Variants in PARP16 observed in about 807,000 individuals in gnomAD.
The protein encoded by PARP16 is protein mono-ADP-ribosyltransferase PARP16.
Under a neutral mutation model 35.0 loss-of-function variants are expected in PARP16, and 31 were observed. The ratio of observed to expected loss-of-function variants is 0.88; its 90% CI spans 0.66 to 1.19. PARP16 has a LOEUF of 1.19. Among genes scored for constraint, PARP16 ranks in the 50% most tolerant of loss-of-function variants. The pLI, the probability that PARP16 is intolerant of heterozygous loss-of-function variation, is 0.00. For missense variants in PARP16, 424 were observed against 411.2 expected (o/e 1.03, Z -0.27); for synonymous variants, 162 against 169.5 (o/e 0.96, Z 0.34).
At chr15:65,276,851 G>A (rs1372138556) in intron 1 of PARP16, among the ~76,000 whole-genome samples, 2 of 151,696 alleles carry the variant, frequency 1.3e-5, no homozygotes, top group East Asian at 1.9e-4. Flanking sequence ...GCATGGTGGC[G>A]GACACCTTTA....
chr15:65,259,428 A>C lies in PARP16; in HGVS notation c.948T>G (p.Phe316Leu), dbSNP rs1309161677. 1 of 1,614,176 alleles carries C rather than the reference A, an allele frequency of 6.2e-7. No individual in the cohort carries two copies. Among genetic ancestry groups the C allele is most frequent in the East Asian group, 2.2e-5 (1 of 44,880 alleles). The change falls in exon 6 of 6, where the codon TTT becomes TTG. Residue 316 changes from phenylalanine (F) to leucine (L), a missense_variant. By Grantham distance (22) the Phe-to-Leu change is conservative (BLOSUM62 0). Transcript: ENST00000649807. ...SVINSSAFQHFWNRAKR is the reference protein window; with the variant it reads ...SVINSSAFQHLWNRAKR The stretch of plus-strand genomic sequence containing the variant: ...AAGATTATCTTTTCGCACGATTCCA[A>C]AAGTGTTGGAAAGCAGAGGAGTTGA...
intron 1 of PARP16, among the ~76,000 whole-genome samples, chr15:65,279,425 C>T (rs1406052613): frequency 6.6e-6 from 1 of 152,066 alleles, no homozygotes; most frequent in Non-Finnish European, 1.5e-5. Context: ...GATGGCTGGT[C>T]CTGGAGGGAT....
downstream of PARP16, among the ~76,000 whole-genome samples, chr15:65,257,545 G>A (rs1475286892): frequency 2.0e-5 from 3 of 150,278 alleles, no homozygotes; most frequent in Non-Finnish European, 2.9e-5. Context: ...CAGGAAAACT[G>A]CTTGAACCCG....
chr15:65,266,907 A>G, intron 2 of PARP16, 139 bp from the exon 3 acceptor site: 4 of 657,396 alleles, frequency 6.1e-6, no homozygotes, highest in Non-Finnish European at 1.1e-5. Context: ...TAGAGACATA[A>G]GCAAACTCAG....
intron 3 of PARP16, among the ~76,000 whole-genome samples, chr15:65,238,106 T>C (rs2088939155): frequency 6.6e-6 from 1 of 152,048 alleles, no homozygotes; most frequent in Admixed American, 6.6e-5. Flanking sequence ...GCCAACATGG[T>C]GAAACCCTGC....
intron 2 of PARP16, among the ~76,000 whole-genome samples, chr15:65,268,948 C>T (rs1473799994): frequency 6.6e-6 from 1 of 151,424 alleles, no homozygotes; most frequent in Non-Finnish European, 1.5e-5. Flanking sequence ...AGAGACGAAG[C>T]TTCATCATTT....
chr15:65,249,862 G>C (rs2089307167), intron 2 of PARP16, among the ~76,000 whole-genome samples: 1 of 152,222 alleles, frequency 6.6e-6, no homozygotes, highest in Non-Finnish European at 1.5e-5. Flanking sequence ...GGGCTGGGAA[G>C]GTTACAGGAG....
chr15:65,246,101 C>A (rs745374501), intron 3 of PARP16, among the ~76,000 whole-genome samples: 1 of 152,170 alleles, frequency 6.6e-6, no homozygotes, highest in Non-Finnish European at 1.5e-5. Context: ...CAGGCAGACC[C>A]TCTCCCTGCT....
intron 3 of PARP16, among the ~76,000 whole-genome samples, 173 bp from the exon 4 acceptor site, chr15:65,263,493 T>C (rs2089803229): frequency 6.6e-6 from 1 of 152,200 alleles, no homozygotes; most frequent in African/African-American, 2.4e-5. Flanking sequence ...ACAGGGTTAT[T>C]ACTAAACACA....
intron 2 of PARP16, among the ~76,000 whole-genome samples, chr15:65,269,174 T>TCTCTCTCTCTCTCTCTCTCTC (rs60229565): frequency 2.5e-4 from 36 of 146,842 alleles, no homozygotes; most frequent in African/African-American, 9.0e-4. Flanking sequence ...TTTAGTCGGT[T>TCTCTCTCTCTCTCTCTCTCTC]TTTTTCTTTC....
chr15:65,256,619 G>A (rs546955519), downstream of PARP16, among the ~76,000 whole-genome samples: 2 of 152,120 alleles, frequency 1.3e-5, no homozygotes, highest in Non-Finnish European at 2.9e-5. Context: ...GTGTTAGCCA[G>A]GACGGTCTCA....
At chr15:65,250,397 C>T (rs1438534699) in intron 2 of PARP16, among the ~76,000 whole-genome samples, 1 of 151,988 alleles carries the variant, frequency 6.6e-6, no homozygotes, top group East Asian at 1.9e-4. Flanking sequence ...GGATTACAGG[C>T]GTGAGCCACT....
chr15:65,249,589 G>A (rs536723239), intron 2 of PARP16, among the ~76,000 whole-genome samples: 103 of 152,360 alleles, frequency 6.8e-4, no homozygotes, highest in African/African-American at 2.4e-3. Context: ...CAGCCAGGCA[G>A]GACTGGAGAC....
intron 1 of PARP16, among the ~76,000 whole-genome samples, chr15:65,278,293 A>G (rs2090317531): frequency 6.6e-6 from 1 of 152,256 alleles, no homozygotes; most frequent in East Asian, 1.9e-4. Flanking sequence ...CAAAGGTGGT[A>G]AGGCCTCAGA....
chr15:65,242,817 C>A (rs889219948), intron 3 of PARP16, among the ~76,000 whole-genome samples: 1 of 151,800 alleles, frequency 6.6e-6, no homozygotes, highest in Non-Finnish European at 1.5e-5. Context: ...CAGGTTCAAG[C>A]GATTCTCCTG....
At chr15:65,238,569 T>C (rs1299576729) in intron 3 of PARP16, among the ~76,000 whole-genome samples, 1 of 152,190 alleles carries the variant, frequency 6.6e-6, no homozygotes, top group Non-Finnish European at 1.5e-5. Flanking sequence ...AATCTGTCCA[T>C]TCCACTCCGC....
chr15:65,242,514 A>G (rs565106544), intron 3 of PARP16, among the ~76,000 whole-genome samples: 3 of 152,242 alleles, frequency 2.0e-5, no homozygotes, highest in East Asian at 3.9e-4. Flanking sequence ...AGTATCTCTC[A>G]CCACTTATTT....
intron 1 of PARP16, among the ~76,000 whole-genome samples, chr15:65,284,282 T>C (rs190619431): frequency 2.0e-5 from 3 of 151,838 alleles, no homozygotes; most frequent in African/African-American, 4.8e-5. Flanking sequence ...TCCTAATACC[T>C]TGAAGATAAT....
intron 2 of PARP16, among the ~76,000 whole-genome samples, chr15:65,252,390 C>T (rs1380552352): frequency 2.6e-5 from 4 of 152,172 alleles, no homozygotes; most frequent in African/African-American, 7.2e-5. Context: ...CCCTACAGAC[C>T]TCTGATAGGC....
Sources: allele counts gnomAD v4.1 joint callset (sites outside exome capture counted in the v4.1 genomes callset), GRCh38; gene constraint gnomAD v4.1.1; transcripts MANE v1.5; gene names NCBI Gene and HGNC (gene_info 2026-07-23, HGNC 2026-07-21).